The following SLC30A8 variants were observed in gnomAD, a reference collection of about 807,000 sequenced individuals.
SLC30A8 encodes solute carrier family 30 member 8, also known as proton-coupled zinc antiporter SLC30A8.
SLC30A8 carries 27 observed loss-of-function variants against 36.9 expected under a neutral mutation model. The ratio of observed to expected loss-of-function variants is 0.73; its 90% CI spans 0.54 to 1.01. The LOEUF is 1.01. Ranked by LOEUF, SLC30A8 falls within the 50% of genes least tolerant of loss-of-function variation. SLC30A8 has a pLI of 0.00. For missense variants in SLC30A8, 439 were observed against 452.0 expected, an observed-to-expected ratio of 0.97 and a Z score of 0.26; for synonymous variants, 164 against 172.4, an observed-to-expected ratio of 0.95 and a Z score of 0.38.
intron 6 of SLC30A8, among the ~76,000 whole-genome samples, chr8:117,167,970 A>G (rs551108863): frequency 6.6e-6 from 1 of 152,276 alleles, no homozygotes; most frequent in Admixed American, 6.5e-5. Flanking sequence ...GGAGGAGCAA[A>G]GTCACTCCTT....
At chr8:116,986,050 T>C (rs1450033054) in intron 1 of SLC30A8, among the ~76,000 whole-genome samples, 4 of 152,140 alleles carry the variant, frequency 2.6e-5, no homozygotes, top group African/African-American at 7.2e-5. Flanking sequence ...TGGGATTCTT[T>C]TGAGGGGTCA....
At chr8:117,131,504 A>G (rs6469674), upstream of SLC30A8, among the ~76,000 whole-genome samples, 15,890 of 151,958 alleles carry the variant, frequency 0.1, 1,418 homozygotes, top group African/African-American at 0.24. Context: ...ATGGCACTCT[A>G]CTGGTGAGGG....
chr8:116,992,964 C>T (rs563600631), intron 1 of SLC30A8, among the ~76,000 whole-genome samples: 4 of 126,630 alleles, frequency 3.2e-5, no homozygotes, highest in South Asian at 5.8e-4. Context: ...GTGGCCATGT[C>T]GAGTAAAGAA....
At chr8:117,014,291 TC>T (rs1563748217) in intron 1 of SLC30A8, among the ~76,000 whole-genome samples, 4 of 48,456 alleles carry the variant, frequency 8.3e-5, no homozygotes, top group Non-Finnish European at 7.6e-5. Flanking sequence ...GAACAGTCCT[TC>T]TTAGTTTCCA....
intron 1 of SLC30A8, among the ~76,000 whole-genome samples, chr8:117,136,911 T>G (rs1023767966): frequency 5.3e-5 from 8 of 152,016 alleles, no homozygotes; most frequent in African/African-American, 1.7e-4. Flanking sequence ...ATTTGTATTT[T>G]CTTGTCAAGG....
intron 1 of SLC30A8, among the ~76,000 whole-genome samples, chr8:116,956,697 T>C (rs1303552767): frequency 6.6e-6 from 1 of 152,246 alleles, no homozygotes; most frequent in Non-Finnish European, 1.5e-5. Context: ...GTGGACTTCA[T>C]GTTTTAAATC....
chr8:117,080,956 T>C (rs1176761554), intron 2 of SLC30A8, among the ~76,000 whole-genome samples: 1 of 152,214 alleles, frequency 6.6e-6, no homozygotes, highest in Non-Finnish European at 1.5e-5. Flanking sequence ...TAAAATTTTG[T>C]GATGGTCTGT....
intron 2 of SLC30A8, among the ~76,000 whole-genome samples, chr8:117,058,003 CCAA>C (rs777510521): frequency 4.6e-5 from 7 of 152,288 alleles, no homozygotes; most frequent in Non-Finnish European, 8.8e-5. Flanking sequence ...CTATGCTCCA[CCAA>C]CAGTCTGCAA....
intron 2 of SLC30A8, among the ~76,000 whole-genome samples, chr8:117,072,573 C>G (rs1382672172): frequency 6.6e-6 from 1 of 152,120 alleles, no homozygotes; most frequent in African/African-American, 2.4e-5. Flanking sequence ...TTCTTTCTTA[C>G]TTTAAGTCCT....
intron 1 of SLC30A8, among the ~76,000 whole-genome samples, chr8:116,988,732 G>A (rs923372542): frequency 2.0e-5 from 3 of 152,074 alleles, no homozygotes; most frequent in Non-Finnish European, 2.9e-5. Context: ...TACTATAATC[G>A]CCAGCCTCTG....
chr8:117,102,697 T>C (rs535158154), intron 2 of SLC30A8, among the ~76,000 whole-genome samples: 1 of 152,304 alleles, frequency 6.6e-6, no homozygotes, highest in African/African-American at 2.4e-5. Flanking sequence ...ATAATCCCAA[T>C]TTCTTCTTCA....
At chr8:117,000,009 C>T (rs1360757526) in intron 1 of SLC30A8, among the ~76,000 whole-genome samples, 1 of 152,096 alleles carries the variant, frequency 6.6e-6, no homozygotes, top group Non-Finnish European at 1.5e-5. Context: ...TTTGGGAGAT[C>T]CTTAGTGGAA....
intron 1 of SLC30A8, among the ~76,000 whole-genome samples, chr8:117,019,242 A>G (rs1216234258): frequency 6.6e-6 from 1 of 152,232 alleles, no homozygotes; most frequent in Middle Eastern, 3.2e-3. Flanking sequence ...CTGAAGCTCA[A>G]CGCATTTTTA....
intron 5 of SLC30A8, 116 bp downstream of exon 5, chr8:117,162,004 C>T (rs1400546056): frequency 8.3e-6 from 7 of 847,312 alleles, no homozygotes; most frequent in Non-Finnish European, 6.9e-6. Context: ...ATACAAACTA[C>T]TTTGCAAAGC....
At chr8:117,162,608 T>A (rs576746751) in intron 5 of SLC30A8, among the ~76,000 whole-genome samples, 1 of 152,122 alleles carries the variant, frequency 6.6e-6, no homozygotes, top group Non-Finnish European at 1.5e-5. Flanking sequence ...TGCATCACAA[T>A]TGTCTGATTT....
intron 2 of SLC30A8, among the ~76,000 whole-genome samples, chr8:117,103,191 G>C (rs1819802263): frequency 6.6e-6 from 1 of 152,072 alleles, no homozygotes; most frequent in Admixed American, 6.6e-5. Flanking sequence ...CATTATCTAT[G>C]TCTAGAATAC....
chr8:116,955,390 T>C (rs1234093401), intron 1 of SLC30A8, among the ~76,000 whole-genome samples: 1 of 151,916 alleles, frequency 6.6e-6, no homozygotes, highest in Non-Finnish European at 1.5e-5. Flanking sequence ...GAGAACACCA[T>C]GTGAAGACAA....
intron 1 of SLC30A8, among the ~76,000 whole-genome samples, chr8:117,141,905 ATC>A (rs778687725): frequency 6.6e-6 from 1 of 152,148 alleles, no homozygotes; most frequent in Non-Finnish European, 1.5e-5. Context: ...TTAGCTAAAA[ATC>A]TCTCAAGCAG....
At chr8:117,120,191 G>A (rs1281707518) in intron 2 of SLC30A8, among the ~76,000 whole-genome samples, 1 of 151,700 alleles carries the variant, frequency 6.6e-6, no homozygotes, top group Non-Finnish European at 1.5e-5. Context: ...AAAAATGAAG[G>A]TATCACACTT....
Sources: allele counts gnomAD v4.1 joint callset (sites outside exome capture counted in the v4.1 genomes callset), GRCh38; gene constraint gnomAD v4.1.1; transcripts MANE v1.5; gene names NCBI Gene and HGNC (gene_info 2026-07-23, HGNC 2026-07-21).